The following VIT variants were observed in gnomAD, a reference collection of about 807,000 sequenced individuals.
The protein encoded by VIT is vitrin.
In VIT, 99 loss-of-function variants were observed where a neutral mutation model predicts 78.0. The ratio of observed to expected loss-of-function variants is 1.27; its 90% CI spans 1.08 to 1.50. VIT has a LOEUF of 1.50. Among genes scored for constraint, VIT ranks in the 40% most tolerant of loss-of-function variants. The probability of loss-of-function intolerance (pLI) is 0.00; values close to 1 mark genes in which losing one functional copy is unlikely to be tolerated. For missense variants in VIT, 1,126 were observed against 875.3 expected, an observed-to-expected ratio of 1.29 and a Z score of -3.61; for synonymous variants, 374 against 334.3, an observed-to-expected ratio of 1.12 and a Z score of -1.29.
At chr2:36,725,486 G>A (rs1470926120) in intron 2 of VIT, among the ~76,000 whole-genome samples, 1 of 151,230 alleles carries the variant, frequency 6.6e-6, no homozygotes. Flanking sequence ...TTTTATAAGG[G>A]CACTTGTCCC....
rs750256786 is a variant in VIT at position 36,775,119 on chromosome 2, C to G, written c.802+52C>G. The G allele has an allele frequency of 6.2e-6, 10 of 1,603,680 alleles. No individual in the cohort carries two copies. The African/African-American group carries it at 1.2e-4, about 19-fold the overall frequency. ...TGCTCCCTAGGAATTTGCTCTGTGG[C>G]ACTTTGCAAACATGAGGACCTCCCC... On this transcript the variant is annotated intron_variant, in intron 9 of 15. Coordinates refer to ENST00000379242, the MANE Select transcript of VIT (RefSeq NM_053276.4).
At chr2:36,708,515 T>G (rs1665595735) in intron 1 of VIT, among the ~76,000 whole-genome samples, 1 of 152,134 alleles carries the variant, frequency 6.6e-6, no homozygotes, top group Non-Finnish European at 1.5e-5. Flanking sequence ...GCAAAAGTAA[T>G]TTTTAAGCCC....
Position 36,725,109 on chromosome 2 carries a change from G to A in VIT, c.53-4317G>A, listed in dbSNP as rs898999433. The stretch of plus-strand genomic sequence containing the variant: ...CCTAAAAAATGTCTGCCTTCATTCT[G>A]CCTGGCTAGACTTCTGGTTCTCACT... On this transcript the variant is annotated intron_variant, in intron 2 of 15. Transcript: ENST00000379242. Among the ~76,000 whole-genome samples, 8 of 152,056 alleles carry A rather than the reference G, an allele frequency of 5.3e-5. No homozygotes were observed. In the South Asian group the frequency reaches 1.2e-3, roughly 24 times the overall value.
chr2:36,753,063 G>T (rs1231107142), intron 4 of VIT, among the ~76,000 whole-genome samples: 1 of 152,144 alleles, frequency 6.6e-6, no homozygotes, highest in Admixed American at 6.5e-5. Context: ...GCAGGGACAT[G>T]GATTAAATTG....
At chr2:36,720,114 C>G (rs1328198629) in intron 2 of VIT, among the ~76,000 whole-genome samples, 1 of 152,142 alleles carries the variant, frequency 6.6e-6, no homozygotes, top group African/African-American at 2.4e-5. Context: ...ATTCCGATGG[C>G]ATTTTTCACA....
At position 36,805,684 on chromosome 2, in the gene VIT, C is replaced by T. The variant is rs771744403; in HGVS notation, c.1389+20C>T. The T allele has an allele frequency of 2.5e-6, 4 of 1,601,298 alleles. No homozygotes were observed. Among genetic ancestry groups the T allele is most frequent in the South Asian group, 2.2e-5 (2 of 89,748 alleles). On this transcript the variant is annotated intron_variant, in intron 14 of 15. Transcript: ENST00000379242. ...AACAAGGTAGATGACTGCCCGGAGA[C>T]CTACCCAACATCAGGATTTTCTGCA...
At chr2:36,708,117 C>CA (rs1003709915) in intron 1 of VIT, among the ~76,000 whole-genome samples, 9 of 148,424 alleles carry the variant, frequency 6.1e-5, no homozygotes, top group African/African-American at 1.3e-4. Flanking sequence ...ACCTCCCCCC[C>CA]CCGCCCACCT....
intron 12 of VIT, among the ~76,000 whole-genome samples, chr2:36,793,337 T>C (rs578135976): frequency 6.6e-6 from 1 of 152,316 alleles, no homozygotes; most frequent in African/African-American, 2.4e-5. Flanking sequence ...GAAATTTGAT[T>C]ATTAAGACCC....
chr2:36,724,733 G>C (rs563246739), intron 2 of VIT, among the ~76,000 whole-genome samples: 3 of 152,162 alleles, frequency 2.0e-5, no homozygotes, highest in Non-Finnish European at 2.9e-5. Flanking sequence ...CAGCCTAAAA[G>C]GTCTTGGGCA....
chr2:36,768,374 G>C (rs1250783244), intron 7 of VIT, among the ~76,000 whole-genome samples: 1 of 152,132 alleles, frequency 6.6e-6, no homozygotes, highest in East Asian at 1.9e-4. Context: ...AGAGGTTCCA[G>C]TGAGCCGAGA....
In VIT at chr2:36,814,449, A is replaced by G. The variant is rs1389939896; in HGVS notation, c.*88A>G. The G allele has an allele frequency of 6.7e-7, 1 of 1,482,948 alleles. No individual in the cohort carries two copies. The highest frequency in any genetic ancestry group is 9.2e-7 in the Non-Finnish European group (1 of 1,092,488). The allele number at this position is 1,482,948 out of a possible 1,614,324, so 91.9% of individuals were successfully genotyped here. ...CCGCTTAATGGGGCACGCACGGTGC[A>G]TCAAGTCTTGGGCAGGGCATGGAGA... On this transcript the variant is annotated 3_prime_UTR_variant, in exon 16 of 16. Coordinates refer to ENST00000379242, the MANE Select transcript of VIT (RefSeq NM_053276.4).
chr2:36,801,494 A>T, intron 13 of VIT, 90 bp downstream of exon 13: 2 of 1,152,886 alleles, frequency 1.7e-6, no homozygotes, highest in Non-Finnish European at 2.5e-6. Context: ...TAAAAGGAAA[A>T]AATAATAATA....
At chr2:36,706,487 G>A (rs921612830) in intron 1 of VIT, among the ~76,000 whole-genome samples, 22 of 152,082 alleles carry the variant, frequency 1.4e-4, no homozygotes, top group African/African-American at 4.8e-4. Flanking sequence ...GAGAAATGAA[G>A]GGATCTTCTC....
intron 7 of VIT, among the ~76,000 whole-genome samples, chr2:36,767,741 C>T (rs953880603): frequency 2.0e-5 from 3 of 152,184 alleles, no homozygotes; most frequent in Non-Finnish European, 2.9e-5. Context: ...ACCCATTGCT[C>T]AAATCATGTT....
intron 6 of VIT, among the ~76,000 whole-genome samples, chr2:36,760,918 G>A (rs562173437): frequency 1.3e-5 from 2 of 152,218 alleles, no homozygotes; most frequent in Non-Finnish European, 1.5e-5. Flanking sequence ...GCATTTTGCT[G>A]CATGAGCCCT....
At chr2:36,710,058 A>C (rs1028378512) in intron 1 of VIT, among the ~76,000 whole-genome samples, 1 of 152,160 alleles carries the variant, frequency 6.6e-6, no homozygotes, top group Non-Finnish European at 1.5e-5. Flanking sequence ...TATTGTCTGT[A>C]TATGTTAAGT....
intron 1 of VIT, among the ~76,000 whole-genome samples, chr2:36,702,241 A>C (rs1454196536): frequency 6.6e-6 from 1 of 152,096 alleles, no homozygotes; most frequent in Non-Finnish European, 1.5e-5. Flanking sequence ...AAGCTGAAGG[A>C]GCAGGAAAGG....
At chr2:36,700,887 T>C (rs6544028) in intron 1 of VIT, among the ~76,000 whole-genome samples, 124,985 of 151,658 alleles carry the variant, frequency 0.82, 52,403 homozygotes, top group Middle Eastern at 0.95. Context: ...ATTATACAGA[T>C]GAAAAAAACG....
intron 15 of VIT, among the ~76,000 whole-genome samples, chr2:36,813,806 G>A (rs1667368027): frequency 6.6e-6 from 1 of 152,062 alleles, no homozygotes; most frequent in African/African-American, 2.4e-5. Flanking sequence ...GATCTGCATG[G>A]CCCCAAAAGT....
Sources: allele counts gnomAD v4.1 joint callset (sites outside exome capture counted in the v4.1 genomes callset), GRCh38; gene constraint gnomAD v4.1.1; transcripts MANE v1.5; gene names NCBI Gene and HGNC (gene_info 2026-07-23, HGNC 2026-07-21).